Variants in CCNY observed in about 807,000 individuals in gnomAD.
CCNY encodes the protein cyclin-Y.
Under a neutral mutation model 42.8 loss-of-function variants are expected in CCNY, and 19 were observed. The observed-to-expected ratio is 0.44, with a 90% confidence interval of 0.31 to 0.65. CCNY has a LOEUF of 0.65. Ranked by LOEUF, CCNY falls within the 30% of genes least tolerant of loss-of-function variation. CCNY has a pLI of 0.07. For missense variants in CCNY, 370 were observed against 437.3 expected, an observed-to-expected ratio of 0.85 and a Z score of 1.37; for synonymous variants, 165 against 162.7, an observed-to-expected ratio of 1.01 and a Z score of -0.11.
intron 1 of CCNY, among the ~76,000 whole-genome samples, chr10:35,391,631 A>G (rs1747882287): frequency 6.6e-6 from 1 of 152,200 alleles, no homozygotes; most frequent in African/African-American, 2.4e-5. Flanking sequence ...GGTTCACCAT[A>G]TTTAACATTA....
At chr10:35,479,087 A>G (rs1483975440) in intron 1 of CCNY, among the ~76,000 whole-genome samples, 1 of 152,072 alleles carries the variant, frequency 6.6e-6, no homozygotes, top group South Asian at 2.1e-4. Flanking sequence ...AATGGCAATC[A>G]TTAAAAAGTC....
At chr10:35,474,793 C>T (rs367989976) in intron 1 of CCNY, among the ~76,000 whole-genome samples, 17 of 152,194 alleles carry the variant, frequency 1.1e-4, no homozygotes, top group Admixed American at 5.2e-4. Flanking sequence ...CAAAGCTGGA[C>T]GGAGAATGAC....
intron 1 of CCNY, among the ~76,000 whole-genome samples, chr10:35,482,103 T>A (rs1382313091): frequency 6.6e-6 from 1 of 152,244 alleles, no homozygotes; most frequent in Non-Finnish European, 1.5e-5. Flanking sequence ...AGCCATTGGC[T>A]GATGTAGGAA....
At chr10:35,515,887 G>T (rs1370497877) in intron 3 of CCNY, among the ~76,000 whole-genome samples, 1 of 152,210 alleles carries the variant, frequency 6.6e-6, no homozygotes, top group Non-Finnish European at 1.5e-5. Flanking sequence ...GAAAGAACCT[G>T]TCATAAGACC....
intron 3 of CCNY, among the ~76,000 whole-genome samples, chr10:35,323,213 G>A (rs1236007286): frequency 6.6e-6 from 1 of 152,132 alleles, no homozygotes; most frequent in East Asian, 1.9e-4. Context: ...ACAGGCATGA[G>A]CCACCGCACT....
At chr10:35,423,842 C>G (rs1244244863) in intron 1 of CCNY, among the ~76,000 whole-genome samples, 1 of 152,150 alleles carries the variant, frequency 6.6e-6, no homozygotes, top group Non-Finnish European at 1.5e-5. Flanking sequence ...TTACAATTAT[C>G]CGAAGGTCAC....
At chr10:35,468,653 G>A (rs978019849) in intron 1 of CCNY, among the ~76,000 whole-genome samples, 6 of 151,936 alleles carry the variant, frequency 3.9e-5, no homozygotes, top group African/African-American at 1.5e-4. Flanking sequence ...TTTTCCTCCT[G>A]TGTGTTGCCA....
At chr10:35,477,768 G>C (rs1407170730) in intron 1 of CCNY, among the ~76,000 whole-genome samples, 1 of 152,134 alleles carries the variant, frequency 6.6e-6, no homozygotes, top group Non-Finnish European at 1.5e-5. Context: ...ATTCAACATA[G>C]TGTTGGAAGT....
intron 3 of CCNY, among the ~76,000 whole-genome samples, chr10:35,313,284 C>T (rs977427927): frequency 6.6e-6 from 1 of 152,158 alleles, no homozygotes; most frequent in Non-Finnish European, 1.5e-5. Context: ...TAGTATATAC[C>T]ATTTTCACAA....
At chr10:35,326,960 G>A (rs773750015) in intron 3 of CCNY, among the ~76,000 whole-genome samples, 5 of 152,094 alleles carry the variant, frequency 3.3e-5, no homozygotes, top group Admixed American at 1.3e-4. Flanking sequence ...TTATAACCAC[G>A]TATGAAGTGT....
chr10:35,263,836 C>A (rs765588621), intron 3 of CCNY, among the ~76,000 whole-genome samples: 1 of 152,162 alleles, frequency 6.6e-6, no homozygotes, highest in Admixed American at 6.6e-5. Context: ...GATGCTTTTC[C>A]TACTCCCCCA....
intron 3 of CCNY, among the ~76,000 whole-genome samples, chr10:35,312,046 CCTTGCACTTGACT>C (rs1835691222): frequency 1.3e-5 from 2 of 151,588 alleles, no homozygotes; most frequent in Admixed American, 1.3e-4. Flanking sequence ...ATTATGTTTA[CCTTGCACTTGACT>C]AAGGGTTTAG....
At chr10:35,460,870 G>A (rs1317740259) in intron 1 of CCNY, among the ~76,000 whole-genome samples, 2 of 152,194 alleles carry the variant, frequency 1.3e-5, no homozygotes, top group African/African-American at 4.8e-5. Context: ...GATGCTCCAT[G>A]CCAAGCACTG....
chr10:35,288,682 C>T (rs4934745), intron 3 of CCNY, among the ~76,000 whole-genome samples: 58,842 of 151,960 alleles, frequency 0.39, 11,707 homozygotes, highest in African/African-American at 0.46. Flanking sequence ...CAAGGTTCAT[C>T]TTTTTTCCCC....
intron 1 of CCNY, among the ~76,000 whole-genome samples, chr10:35,396,478 G>A (rs1000113383): frequency 5.9e-5 from 9 of 152,194 alleles, no homozygotes; most frequent in African/African-American, 1.9e-4. Flanking sequence ...TTGGCCCTCC[G>A]TAATTGAATG....
rs1440713294 is a variant in CCNY, at chr10:35,275,631, T to A, written c.-9+25005T>A. Reference sequence around the variant, plus strand: ...ACAAAAAATTAGCTGGGCATGGTGGTGGGCACCTATAATCCCAGCTACTTG... The same window carrying A: ...ACAAAAAATTAGCTGGGCATGGTGGAGGGCACCTATAATCCCAGCTACTTG... On this transcript the variant is annotated intron_variant, in intron 3 of 11. Coordinates refer to the CCNY transcript ENST00000374706. Among the ~76,000 whole-genome samples the A allele has an allele frequency of 2.6e-5, 4 of 151,932 alleles. No individual in the cohort carries two copies. The East Asian group carries it at 7.9e-4, about 30-fold the overall frequency.
intron 1 of CCNY, among the ~76,000 whole-genome samples, chr10:35,350,529 T>A (rs1836406880): frequency 6.6e-6 from 1 of 152,044 alleles, no homozygotes; most frequent in African/African-American, 2.4e-5. Context: ...GCTGAATTGG[T>A]TTTGTATCTT....
intron 1 of CCNY, among the ~76,000 whole-genome samples, chr10:35,247,577 CCTTG>C (rs1354694628): frequency 2.0e-5 from 3 of 150,312 alleles, no homozygotes; most frequent in African/African-American, 2.4e-5. Context: ...CAGAGTGAGA[CCTTG>C]TCTCTAGATA....
chr10:35,376,006 G>A (rs1473130842), intron 1 of CCNY, among the ~76,000 whole-genome samples: 1 of 152,178 alleles, frequency 6.6e-6, no homozygotes, highest in Admixed American at 6.5e-5. Flanking sequence ...GTGCAGTAAA[G>A]TCATTCCCTG....
Sources: allele counts gnomAD v4.1 joint callset (sites outside exome capture counted in the v4.1 genomes callset), GRCh38; gene constraint gnomAD v4.1.1; transcripts MANE v1.5; gene names NCBI Gene and HGNC (gene_info 2026-07-23, HGNC 2026-07-21).